MPZL1: variants seen among roughly 807,000 people sequenced by gnomAD.
The protein encoded by MPZL1 is myelin protein zero-like protein 1.
MPZL1 carries 16 observed loss-of-function variants against 29.3 expected under a neutral mutation model. The observed-to-expected ratio is 0.55, with a 90% confidence interval of 0.37 to 0.83. The LOEUF (loss-of-function observed/expected upper bound fraction) is 0.83. MPZL1 is among the 40% of genes least tolerant of loss of function. The pLI is 0.00. For missense variants in MPZL1, 279 were observed against 332.9 expected (o/e 0.84, Z 1.26); for synonymous variants, 143 against 132.0 (o/e 1.08, Z -0.57).
chr1:167,758,734 A>G (rs1466462017), intron 1 of MPZL1, among the ~76,000 whole-genome samples: 1 of 152,180 alleles, frequency 6.6e-6, no homozygotes, highest in Non-Finnish European at 1.5e-5. Flanking sequence ...TTCATTGCTA[A>G]ATGATACCTT....
chr1:167,766,290 T>TA (rs1314249468), intron 2 of MPZL1, among the ~76,000 whole-genome samples: 1 of 152,126 alleles, frequency 6.6e-6, no homozygotes, highest in African/African-American at 2.4e-5. Context: ...TGGAGTAAGA[T>TA]AAAGGATGTA....
At chr1:167,773,099 G>A in intron 3 of MPZL1, 137 bp from the exon 4 acceptor site, 1 of 821,286 alleles carries the variant, frequency 1.2e-6, no homozygotes, top group Non-Finnish European at 1.9e-6. Flanking sequence ...AGGATAGATA[G>A]TAGGATCTCA....
intron 2 of MPZL1, among the ~76,000 whole-genome samples, chr1:167,766,183 A>G (rs189289659): frequency 6.6e-6 from 1 of 152,278 alleles, no homozygotes; most frequent in East Asian, 1.9e-4. Flanking sequence ...GGAGCTTACT[A>G]TGTAGTGGGT....
intron 5 of MPZL1, among the ~76,000 whole-genome samples, chr1:167,781,250 G>A (rs1033892361): frequency 2.0e-5 from 3 of 152,168 alleles, no homozygotes; most frequent in Admixed American, 2.0e-4. Flanking sequence ...AAACCAGTTT[G>A]AGCTAATAGA....
At chr1:167,774,517 C>T (rs908061289) in intron 4 of MPZL1, 22 of 152,278 alleles carry the variant, frequency 1.4e-4, no homozygotes, top group African/African-American at 4.8e-4. Context: ...ACTGTATCTG[C>T]CCCCCTTGCA....
intron 1 of MPZL1, among the ~76,000 whole-genome samples, chr1:167,750,358 C>T (rs1040900002): frequency 2.1e-4 from 32 of 152,100 alleles, no homozygotes; most frequent in Admixed American, 2.0e-3. Flanking sequence ...ATGCTACCAA[C>T]GCCCAGCTAA....
intron 5 of MPZL1, among the ~76,000 whole-genome samples, chr1:167,776,409 T>G (rs894189743): frequency 1.3e-5 from 2 of 152,172 alleles, no homozygotes; most frequent in African/African-American, 4.8e-5. Flanking sequence ...CATAAATTGT[T>G]TACTAACCAT....
rs376460494 is a variant in MPZL1, at chr1:167,772,533, T to C, written c.472+45T>C. On this transcript the variant is annotated intron_variant, in intron 3 of 5. Coordinates refer to ENST00000359523, the MANE Select transcript of MPZL1 (RefSeq NM_003953.6). The stretch of plus-strand genomic sequence containing the variant: ...GGCAGTAATAATGCAGTCTCCTTTA[T>C]CTCATGTTTGGTTGGAAAACATGAG... The C allele has an allele frequency of 1.2e-5, 18 of 1,522,496 alleles. No individual in the cohort carries two copies. In the African/African-American group the frequency reaches 2.2e-4, roughly 19 times the overall value. 94.3% of individuals were successfully genotyped at this position (1,522,496 alleles called of 1,614,324 possible). A position where few individuals can be genotyped will look rare whatever the true frequency, so the allele number is the denominator to read the frequency against.
At chr1:167,725,358 T>A (rs1438969016) in intron 1 of MPZL1, among the ~76,000 whole-genome samples, 1 of 152,172 alleles carries the variant, frequency 6.6e-6, no homozygotes, top group East Asian at 1.9e-4. Context: ...CTCGGCTTAC[T>A]GCAACCTCCA....
rs1409169024 is a variant in MPZL1, at chr1:167,787,965, T to G, written c.*44T>G. 5 of 1,506,052 alleles carry G rather than the reference T, an allele frequency of 3.3e-6. No individual in the cohort carries two copies. Among genetic ancestry groups the G allele is most frequent in the Non-Finnish European group, 4.6e-6 (5 of 1,083,184 alleles). 93.3% of individuals were successfully genotyped at this position (1,506,052 alleles called of 1,614,324 possible). ...TCCTCAGCAAGAAACAAAACCAAAC[T>G]GGACTCTCGTGCAGAAAATGTAGCC... On this transcript the variant is annotated 3_prime_UTR_variant, in exon 6 of 6. Transcript: ENST00000359523.
intron 1 of MPZL1, among the ~76,000 whole-genome samples, chr1:167,731,585 C>T (rs565865336): frequency 3.1e-4 from 47 of 151,960 alleles, no homozygotes; most frequent in African/African-American, 9.6e-4. Context: ...TACAGGCAGC[C>T]GCCACCACAC....
chr1:167,735,765 A>G (rs1452159746), intron 1 of MPZL1, among the ~76,000 whole-genome samples: 1 of 152,308 alleles, frequency 6.6e-6, no homozygotes, highest in Non-Finnish European at 1.5e-5. Flanking sequence ...GATAAGGCAC[A>G]CCTACATTAT....
At chr1:167,730,962 G>C (rs1334611450) in intron 1 of MPZL1, among the ~76,000 whole-genome samples, 1 of 152,150 alleles carries the variant, frequency 6.6e-6, no homozygotes, top group Non-Finnish European at 1.5e-5. Context: ...TGGGAACTTT[G>C]AGTCTTGATC....
intron 1 of MPZL1, among the ~76,000 whole-genome samples, chr1:167,745,356 T>C (rs927098302): frequency 1.3e-5 from 2 of 152,144 alleles, no homozygotes; most frequent in African/African-American, 2.4e-5. Context: ...TGCATTGTAC[T>C]AAACACCATG....
intron 5 of MPZL1, among the ~76,000 whole-genome samples, chr1:167,779,262 TAATGAA>T (rs1405934609): frequency 1.3e-5 from 2 of 152,144 alleles, no homozygotes; most frequent in Non-Finnish European, 2.9e-5. Context: ...TTAGTAAATT[TAATGAA>T]AAACATAAAC....
At chr1:167,735,039 A>T (rs551339520) in intron 1 of MPZL1, among the ~76,000 whole-genome samples, 53 of 152,352 alleles carry the variant, frequency 3.5e-4, no homozygotes, top group African/African-American at 1.3e-3. Context: ...CAGCAATTTC[A>T]GCTCTATGGC....
chr1:167,754,141 G>A (rs545531520), intron 1 of MPZL1, among the ~76,000 whole-genome samples: 16 of 152,104 alleles, frequency 1.1e-4, no homozygotes, highest in African/African-American at 3.9e-4. Flanking sequence ...GAGATTACAG[G>A]TGTGCGCCAT....
At chr1:167,730,676 A>G (rs1294644857) in intron 1 of MPZL1, among the ~76,000 whole-genome samples, 2 of 152,198 alleles carry the variant, frequency 1.3e-5, no homozygotes, top group East Asian at 1.9e-4. Context: ...TGGGCTCAGA[A>G]TGGTTCCTTG....
At chr1:167,754,883 T>C (rs757800683) in intron 1 of MPZL1, among the ~76,000 whole-genome samples, 15 of 152,208 alleles carry the variant, frequency 9.9e-5, no homozygotes, top group Non-Finnish European at 1.3e-4. Flanking sequence ...TTAGACTGTT[T>C]AGAGCAGTTA....
Sources: allele counts gnomAD v4.1 joint callset (sites outside exome capture counted in the v4.1 genomes callset), GRCh38; gene constraint gnomAD v4.1.1; transcripts MANE v1.5; gene names NCBI Gene and HGNC (gene_info 2026-07-23, HGNC 2026-07-21).